The following SIK3 variants were observed in gnomAD, a reference collection of about 807,000 sequenced individuals.
SIK3 encodes SIK family kinase 3, also known as serine/threonine-protein kinase SIK3.
A neutral mutation model predicts 144.2 loss-of-function variants in SIK3; 28 were observed. The ratio of observed to expected loss-of-function variants is 0.19; its 90% confidence interval spans 0.14 to 0.27. The LOEUF (loss-of-function observed/expected upper bound fraction) is 0.27, where lower values mean the gene tolerates loss of function less well. Ranked by LOEUF, SIK3 falls within the 10% of genes least tolerant of loss-of-function variation. The pLI, the probability that SIK3 is intolerant of heterozygous loss-of-function variation, is 1.00. For synonymous variants in SIK3, 686 were observed against 676.3 expected, an observed-to-expected ratio of 1.01 and a Z score of -0.22; for missense variants, 1,319 against 1,776.0, an observed-to-expected ratio of 0.74 and a Z score of 4.62.
In SIK3 at chr11:116,870,408, A is replaced by G; in HGVS notation, c.1738-7T>C. On this transcript the variant is annotated splice_polypyrimidine_tract_variant and splice_region_variant and intron_variant, in intron 13 of 24. Coordinates refer to ENST00000445177, the MANE Select transcript of SIK3 (RefSeq NM_001366686.3). ...GGGTAACTGCTGGCACTGCCTGAAG[A>G]GAGACAGGAAGGAAAAGCTCAAGGT... is the stretch of plus-strand genomic sequence containing the variant. 6.2e-7 allele frequency: 1 copy of G among 1,612,264 alleles called. No individual in the cohort carries two copies. The highest frequency in any genetic ancestry group is 8.5e-7 in the Non-Finnish European group (1 of 1,179,988).
chr11:117,053,393 A>T (rs1017368406), intron 1 of SIK3, among the ~76,000 whole-genome samples: 1 of 152,008 alleles, frequency 6.6e-6, no homozygotes, highest in Non-Finnish European at 1.5e-5. Context: ...TATGTAAGAA[A>T]TGCTTTGAGA....
Position 116,846,254 on chromosome 11 carries a change from G to T in SIK3, c.*13+129C>A. 2.2e-6 allele frequency: 2 copies of T among 901,048 alleles called. No individual in the cohort carries two copies. The highest frequency in any genetic ancestry group is 2.5e-5 in the East Asian group (1 of 40,678). 55.8% of individuals were successfully genotyped at this position (901,048 alleles called of 1,614,324 possible). On this transcript the variant is annotated intron_variant, in intron 24 of 24. Transcript: ENST00000445177. This position sits in a 1 kb window ranked among gnomAD's most constrained non-coding sequence, Gnocchi z 4.1. ...TAATGAAAAGCAAGAAACTGTGAAG[G>T]CCACGAGGGGAGGCGTGGTACTGTC...
At chr11:116,950,622 A>G (rs762828155) in intron 3 of SIK3, among the ~76,000 whole-genome samples, 5 of 152,312 alleles carry the variant, frequency 3.3e-5, no homozygotes, top group South Asian at 2.1e-4. Context: ...CACTGTTCAG[A>G]CTTCTTAAGC....
At chr11:117,027,389 C>G (rs568253477) in intron 1 of SIK3, among the ~76,000 whole-genome samples, 3 of 152,128 alleles carry the variant, frequency 2.0e-5, no homozygotes, top group Non-Finnish European at 4.4e-5. Context: ...CATCCTAGAC[C>G]ATAAGCATCA....
At chr11:117,011,951 A>G (rs927580646) in intron 1 of SIK3, among the ~76,000 whole-genome samples, 3 of 152,156 alleles carry the variant, frequency 2.0e-5, no homozygotes, top group African/African-American at 4.8e-5. Context: ...CGGTCTGGCT[A>G]TCAATACAAG....
chr11:117,090,521 T>C (rs988306395), intron 1 of SIK3, among the ~76,000 whole-genome samples: 2 of 152,192 alleles, frequency 1.3e-5, no homozygotes, highest in African/African-American at 4.8e-5. Context: ...GTGTTAGTCA[T>C]TTAGTAAGTG....
At chr11:117,035,575 A>G (rs1952457652) in intron 1 of SIK3, among the ~76,000 whole-genome samples, 1 of 152,120 alleles carries the variant, frequency 6.6e-6, no homozygotes, top group South Asian at 2.1e-4. Context: ...GTAACTACCT[A>G]CATTATAGGG....
chr11:116,997,579 C>T (rs1203956004), intron 1 of SIK3, among the ~76,000 whole-genome samples: 3 of 152,038 alleles, frequency 2.0e-5, no homozygotes, highest in Non-Finnish European at 4.4e-5. Context: ...TTATATTTTG[C>T]TTTGATTCAG....
chr11:116,997,463 T>C (rs1950708380), intron 1 of SIK3, among the ~76,000 whole-genome samples: 1 of 152,232 alleles, frequency 6.6e-6, no homozygotes, highest in African/African-American at 2.4e-5. Flanking sequence ...AAACACTTTA[T>C]TCAGTATTAT....
At chr11:117,072,042 G>C (rs188181352) in intron 1 of SIK3, among the ~76,000 whole-genome samples, 117 of 151,838 alleles carry the variant, frequency 7.7e-4, no homozygotes, top group Middle Eastern at 3.4e-3. Flanking sequence ...AATCACTGAT[G>C]GTTTTAAAGT....
intron 15 of SIK3, chr11:116,865,149 A>G (rs565888345): frequency 6.6e-6 from 1 of 151,368 alleles, no homozygotes; most frequent in East Asian, 1.9e-4. Context: ...TTCTGTTTCT[A>G]CTTCAGGTTG....
intron 1 of SIK3, among the ~76,000 whole-genome samples, chr11:116,965,534 T>C (rs1949496499): frequency 1.3e-5 from 2 of 151,366 alleles, no homozygotes; most frequent in Non-Finnish European, 2.9e-5. Flanking sequence ...ATACTTAGAA[T>C]GGGATTGATG....
rs1955579308 is a variant in SIK3 at position 117,098,354 on chromosome 11, C to T, written c.62G>A (p.Gly21Glu). ...CGGAGGCAGCAGGCGGCCCGCGGGC[C>T]CGGCTCCCCCAGTCCCGGCCCCGGC... Reference protein sequence around the residue: ...GAAGAGTGGAGPAGRLLPPPA... With the variant: ...GAAGAGTGGAEPAGRLLPPPA... The change falls in exon 1 of 25, where the codon GGG (glycine) becomes GAG (glutamate). Residue 21 changes from glycine (G) to glutamate (E), a missense_variant. Around this residue, in one of 8 missense-constraint regions of SIK3, gnomAD observed 114 missense variants for 116.2 expected, o/e 0.98. Transcript: ENST00000445177. 9 of 1,156,200 alleles carry T rather than the reference C, an allele frequency of 7.8e-6. No homozygotes were observed. Among genetic ancestry groups the T allele is most frequent in the Non-Finnish European group, 6.4e-6 (6 of 942,364 alleles). 71.6% of individuals were successfully genotyped at this position (1,156,200 alleles called of 1,614,324 possible).
In SIK3 at chr11:117,029,356, C is replaced by T. The variant is rs112314723; in HGVS notation, c.273+68787G>A. Among the ~76,000 whole-genome samples the T allele has an allele frequency of 1.8e-3, 273 of 152,210 alleles. 1 individual carries two copies. Among genetic ancestry groups the T allele is most frequent in the Non-Finnish European group, 3.0e-3 (206 of 68,006 alleles). On this transcript the variant is annotated intron_variant, in intron 1 of 24. Coordinates refer to ENST00000445177, the MANE Select transcript of SIK3 (RefSeq NM_001366686.3). The stretch of plus-strand genomic sequence containing the variant: ...CCTATAGTCCCAGCTACTTAGGAGG[C>T]TGAGGTGGAAGGATGAATTGAACCC...
chr11:116,898,377 T>A (rs1299467937), intron 4 of SIK3, among the ~76,000 whole-genome samples: 7 of 152,018 alleles, frequency 4.6e-5, no homozygotes, highest in African/African-American at 1.7e-4. Flanking sequence ...TCTATCATTG[T>A]TGGACATTTG....
At chr11:117,045,902 T>G (rs947673067) in intron 1 of SIK3, among the ~76,000 whole-genome samples, 1 of 152,190 alleles carries the variant, frequency 6.6e-6, no homozygotes, top group African/African-American at 2.4e-5. Flanking sequence ...CAGTTTAAAC[T>G]TTTTTTATAT....
At chr11:117,021,959 A>AAAAAAAAAAAAAAAC (rs1565565812) in intron 1 of SIK3, among the ~76,000 whole-genome samples, 9 of 141,550 alleles carry the variant, frequency 6.4e-5, no homozygotes, top group African/African-American at 1.6e-4. Context: ...AAAAAAAAAA[A>AAAAAAAAAAAAAAAC]AACCTAAAAA....
chr11:117,021,829 G>C (rs1365124270), intron 1 of SIK3, among the ~76,000 whole-genome samples: 1 of 147,930 alleles, frequency 6.8e-6, no homozygotes, highest in African/African-American at 2.5e-5. Flanking sequence ...TCTGGGCACA[G>C]TGGCTCACAC....
intron 1 of SIK3, among the ~76,000 whole-genome samples, chr11:116,965,722 C>A (rs1275824532): frequency 8.9e-6 from 1 of 112,548 alleles, no homozygotes; most frequent in African/African-American, 3.7e-5. Flanking sequence ...GGTGAAAACC[C>A]GTCTCTGCTA....
Sources: allele counts gnomAD v4.1 joint callset (sites outside exome capture counted in the v4.1 genomes callset), GRCh38; gene constraint gnomAD v4.1.1; regional missense constraint gnomAD v4.1.1; non-coding constraint Gnocchi (gnomAD v3.1); transcripts MANE v1.5; gene names NCBI Gene and HGNC (gene_info 2026-07-23, HGNC 2026-07-21).